Variants in KAT14 observed in about 807,000 individuals in gnomAD.
KAT14 encodes the protein lysine acetyltransferase 14, also known as cysteine-rich protein 2-binding protein.
In KAT14, 66 loss-of-function variants were observed where a neutral mutation model predicts 78.4. That is an observed-to-expected ratio of 0.84 (90% confidence interval 0.69 to 1.03). The LOEUF (loss-of-function observed/expected upper bound fraction) is 1.03, where lower values mean the gene tolerates loss of function less well. Among genes scored for constraint, KAT14 ranks in the 50% least tolerant of loss-of-function variants. The pLI is 0.00. For missense variants in KAT14, 870 were observed against 972.5 expected, an observed-to-expected ratio of 0.89 and a Z score of 1.40; for synonymous variants, 344 against 359.4, an observed-to-expected ratio of 0.96 and a Z score of 0.48.
rs1279457894 is a variant in KAT14, at chr20:18,187,385, G to A, written c.2272G>A (p.Asp758Asn). 6.2e-7 allele frequency: 1 copy of A among 1,614,190 alleles called. No individual in the cohort carries two copies. Residue 758 changes from aspartate to asparagine, a missense_variant, in exon 11 of 11, where the codon GAT (aspartate) becomes AAT (asparagine). Transcript: ENST00000688188. ...ATTCAAGACTGAAGAATATGTATTA[G>A]ATTTCTATGATAAATATTACCCATT... ...FGFKTEEYVL[D>N]FYDKYYPLES...
chr20:18,187,395 A>T lies in KAT14; in HGVS notation c.2282A>T (p.Asp761Val), dbSNP rs1480273182. The change falls in exon 11 of 11, where the codon GAT (aspartate) becomes GTT (valine). Residue 761 changes from aspartate to valine, a missense_variant. Asp to Val is a radical substitution (Grantham distance 152). Coordinates refer to ENST00000688188, the MANE Select transcript of KAT14 (RefSeq NM_001392073.1). ...KTEEYVLDFYDKYYPLESTEC... is the reference protein window; with the variant it reads ...KTEEYVLDFYVKYYPLESTEC... ...GAAGAATATGTATTAGATTTCTATG[A>T]TAAATATTACCCATTGGAGAGTACA... The T allele has an allele frequency of 5.0e-6, 8 of 1,614,226 alleles. No individual in the cohort carries two copies. Among genetic ancestry groups the T allele is most frequent in the Non-Finnish European group, 6.8e-6 (8 of 1,180,044 alleles).
Position 18,137,970 on chromosome 20 carries a change from G to C in KAT14, c.-535G>C, listed in dbSNP as rs773069927. 1.3e-6 allele frequency: 2 copies of C among 1,499,886 alleles called. No individual in the cohort carries two copies. The highest frequency in any genetic ancestry group is 2.5e-5 in the South Asian group (2 of 80,434). 92.9% of individuals were successfully genotyped at this position (1,499,886 alleles called of 1,614,324 possible). Reference sequence around the variant, plus strand: ...CCAGCGTGGGGATGTCTAGGAGCTCGAAGGTGGTGCTGGGCCTCTCGGTGC... The same window carrying C: ...CCAGCGTGGGGATGTCTAGGAGCTCCAAGGTGGTGCTGGGCCTCTCGGTGC... On this transcript the variant is annotated 5_prime_UTR_variant, in exon 1 of 11. Transcript: ENST00000688188.
chr20:18,139,630 T>C (rs879361398), intron 1 of KAT14, among the ~76,000 whole-genome samples: 69 of 124,436 alleles, frequency 5.5e-4, no homozygotes, highest in Non-Finnish European at 1.1e-3. Context: ...AGAACCAAAA[T>C]AACGTGTGTG....
In KAT14 at chr20:18,162,661, G is replaced by A. The variant is rs144863968; in HGVS notation, c.1384G>A (p.Val462Met). The change falls in exon 7 of 11, where the codon GTG becomes ATG. Residue 462 changes from valine (V) to methionine (M), a missense_variant. Transcript: ENST00000688188. ...TKPKEPRYTPVSIYEEKLLLK... is the reference protein window; with the variant it reads ...TKPKEPRYTPMSIYEEKLLLK... ...GCCGAAAGAGCCCAGGTATACTCCCGTGAGCATCTACGAGGAAAAGCTGCT... is the reference window on the plus strand; with the variant it reads ...GCCGAAAGAGCCCAGGTATACTCCCATGAGCATCTACGAGGAAAAGCTGCT... 62 of 1,614,218 alleles carry A rather than the reference G, an allele frequency of 3.8e-5. No homozygotes were observed. The Admixed American group carries it at 4.2e-4, about 11-fold the overall frequency.
Position 18,181,750 on chromosome 20 carries a change from C to A in KAT14, c.1709C>A (p.Thr570Asn). 6.2e-7 allele frequency: 1 copy of A among 1,614,188 alleles called. No homozygotes were observed. Among genetic ancestry groups the A allele is most frequent in the Non-Finnish European group, 8.5e-7 (1 of 1,180,028 alleles). The change falls in exon 8 of 11, where the codon ACC becomes AAC. Residue 570 changes from threonine to asparagine, a missense_variant. By Grantham distance (65) the Thr-to-Asn change is moderately conservative. Coordinates refer to ENST00000688188, the MANE Select transcript of KAT14 (RefSeq NM_001392073.1). ...AGGAAGGGATTTCGACACCAGACCA[C>A]CAAGTTTTTGTATCGCTTGGTAGGA... ...PSRKGFRHQT[T>N]KFLYRLVGSE... is the part of the protein sequence containing the mutation.
intron 3 of KAT14, among the ~76,000 whole-genome samples, chr20:18,148,890 G>A (rs1400219378): frequency 2.6e-5 from 4 of 152,118 alleles, no homozygotes; most frequent in Admixed American, 6.6e-5. Flanking sequence ...GATTACAGGC[G>A]TGAGCCACCA....
chr20:18,144,931 GAA>G (rs964660434), intron 2 of KAT14, among the ~76,000 whole-genome samples: 4 of 152,174 alleles, frequency 2.6e-5, no homozygotes, highest in African/African-American at 9.7e-5. Context: ...AAGAATGTGT[GAA>G]GAGACCTGCC....
intron 7 of KAT14, among the ~76,000 whole-genome samples, chr20:18,179,992 C>G (rs1024302268): frequency 2.0e-5 from 3 of 152,092 alleles, no homozygotes; most frequent in African/African-American, 4.8e-5. Context: ...CCTCAGCCTC[C>G]CAAGTAGCTG....
chr20:18,168,392 G>A (rs1324418202), intron 7 of KAT14, among the ~76,000 whole-genome samples: 2 of 152,128 alleles, frequency 1.3e-5, no homozygotes, highest in Non-Finnish European at 2.9e-5. Flanking sequence ...GCCAGGCCTG[G>A]TGGCGCATGC....
At chr20:18,156,061 A>G (rs922021753) in intron 4 of KAT14, among the ~76,000 whole-genome samples, 5 of 152,258 alleles carry the variant, frequency 3.3e-5, no homozygotes, top group Admixed American at 2.6e-4. Context: ...AGTCTTAAAA[A>G]GGAAGGACAT....
intron 2 of KAT14, among the ~76,000 whole-genome samples, chr20:18,143,631 T>A (rs777525520): frequency 0.037 from 5,270 of 140,646 alleles, 353 homozygotes; most frequent in African/African-American, 0.095. Context: ...TTTTTTATTT[T>A]ATTTTTTTTT....
At chr20:18,166,852 C>T (rs896042319) in intron 7 of KAT14, among the ~76,000 whole-genome samples, 1 of 152,218 alleles carries the variant, frequency 6.6e-6, no homozygotes, top group Admixed American at 6.5e-5. Flanking sequence ...GAGGTTGAAC[C>T]TGGAATTCCA....
At position 18,145,220 on chromosome 20, in the gene KAT14, G is replaced by A. The variant is rs1172856196; in HGVS notation, c.260-13G>A. The A allele has an allele frequency of 1.2e-6, 2 of 1,611,132 alleles. No homozygotes were observed. Among genetic ancestry groups the A allele is most frequent in the African/African-American group, 2.7e-5 (2 of 74,616 alleles). ...AGATAAACCCATGATGTGACTTTTT[G>A]TTTTTCTCCTAGGTCAGCTGAGGGA... On this transcript the variant is annotated splice_polypyrimidine_tract_variant and intron_variant, in intron 2 of 10. Coordinates refer to ENST00000688188, the MANE Select transcript of KAT14 (RefSeq NM_001392073.1).
chr20:18,157,483 C>T (rs147259876), intron 4 of KAT14, among the ~76,000 whole-genome samples: 35 of 152,276 alleles, frequency 2.3e-4, no homozygotes, highest in African/African-American at 8.4e-4. Flanking sequence ...ACCATCTTAA[C>T]CAGTTCCAAG....
At chr20:18,150,454 G>T (rs559828144) in intron 3 of KAT14, among the ~76,000 whole-genome samples, 4 of 152,242 alleles carry the variant, frequency 2.6e-5, no homozygotes, top group South Asian at 4.1e-4. Flanking sequence ...TGGCCAGAAG[G>T]TACCCCTTGA....
chr20:18,159,932 G>A (rs1025911871), intron 5 of KAT14, among the ~76,000 whole-genome samples: 7 of 152,130 alleles, frequency 4.6e-5, no homozygotes, highest in African/African-American at 1.7e-4. Context: ...TTATTTATTT[G>A]AGGTACAGTC....
intron 1 of KAT14, 33 bp downstream of exon 1, chr20:18,138,084 G>C: frequency 1.4e-6 from 2 of 1,437,552 alleles, no homozygotes; most frequent in South Asian, 1.4e-5. Flanking sequence ...TTCCGGGCCC[G>C]CGCGCGCGGC....
rs1469704605 is a variant in KAT14 at position 18,187,637 on chromosome 20, A to C, written c.*178A>C. On this transcript the variant is annotated 3_prime_UTR_variant, in exon 11 of 11. Coordinates refer to ENST00000688188, the MANE Select transcript of KAT14 (RefSeq NM_001392073.1). Reference sequence around the variant, plus strand: ...TGAAATGAGCAGTGAGCAGCCCTTTAGCAAAATCGCCCTCCAGTCCTTCCT... The same window carrying C: ...TGAAATGAGCAGTGAGCAGCCCTTTCGCAAAATCGCCCTCCAGTCCTTCCT... 1 of 997,674 alleles carries C rather than the reference A, an allele frequency of 1.0e-6. No homozygotes were observed. Among genetic ancestry groups the C allele is most frequent in the Non-Finnish European group, 1.4e-6 (1 of 715,544 alleles). 61.8% of individuals were successfully genotyped at this position (997,674 alleles called of 1,614,324 possible).
In KAT14 at chr20:18,161,879, A is replaced by G. The variant is rs780986952; in HGVS notation, c.739A>G (p.Ser247Gly). 1.2e-6 allele frequency: 2 copies of G among 1,614,232 alleles called. No homozygotes were observed. Among genetic ancestry groups the G allele is most frequent in the Non-Finnish European group, 1.7e-6 (2 of 1,180,048 alleles). ...TGTTGAGGGACTTAGAAAACGAGCA[A>G]GTCGGAATCCTGTGGAATCTGCCAT... is the stretch of plus-strand genomic sequence containing the variant. The part of the protein sequence containing the change: ...ITVEGLRKRA[S>G]RNPVESAMEL... Residue 247 changes from serine (S) to glycine (G), a missense_variant, in exon 6 of 11, where the codon AGT becomes GGT. Transcript: ENST00000688188.
Sources: gnomAD v4.1 joint callset for allele counts (sites outside exome capture counted in the v4.1 genomes callset) on GRCh38, gnomAD v4.1.1 for gene constraint, MANE v1.5 for transcripts, NCBI Gene and HGNC (gene_info 2026-07-23, HGNC 2026-07-21) for gene names.